The following RBFOX1 variants were observed in gnomAD, a reference collection of about 807,000 sequenced individuals.
RBFOX1 encodes RNA binding fox-1 homolog 1.
Under a neutral mutation model 57.7 loss-of-function variants are expected in RBFOX1, and 8 were observed. The observed-to-expected ratio is 0.14, with a 90% CI of 0.08 to 0.25. The LOEUF is 0.25. Ranked by LOEUF, RBFOX1 falls within the 10% of genes least tolerant of loss-of-function variation. The pLI is 1.00. For missense variants in RBFOX1, 611 were observed against 548.5 expected, an observed-to-expected ratio of 1.11 and a Z score of -1.14; for synonymous variants, 326 against 222.4, an observed-to-expected ratio of 1.47 and a Z score of -4.15.
rs58405378 is a variant in RBFOX1, at chr16:7,034,848, C to CTTTTTTTTTTTT, written c.-15-17202_-15-17191dup. Among the ~76,000 whole-genome samples, 83 of 30,804 alleles carry CTTTTTTTTTTTT rather than the reference C, an allele frequency of 2.7e-3. 4 individuals carry two copies. The highest frequency in any genetic ancestry group is 8.7e-3 in the African/African-American group (50 of 5,722). 20.2% of individuals were successfully genotyped at this position (30,804 alleles called of 152,430 possible). Reference sequence around the variant, plus strand: ...ATTACTTTTTTTTTTTTTCTTTTTTCTTTTTTTTTTTTTTTTTTGAGATGG... The same window carrying CTTTTTTTTTTTT: ...ATTACTTTTTTTTTTTTTCTTTTTTCTTTTTTTTTTTTTTTTTTTTTTTTTTTTTTGAGATGG... On this transcript the variant is annotated intron_variant, in intron 3 of 15. Transcript: ENST00000550418.
At chr16:6,024,306 G>C (rs1050453254) in intron 1 of RBFOX1, among the ~76,000 whole-genome samples, 1 of 152,204 alleles carries the variant, frequency 6.6e-6, no homozygotes, top group Middle Eastern at 3.4e-3. Context: ...GGGGGAAGCC[G>C]CGTCATAAGC....
chr16:7,291,240 G>T (rs1219287649), intron 4 of RBFOX1, among the ~76,000 whole-genome samples: 1 of 152,150 alleles, frequency 6.6e-6, no homozygotes. Flanking sequence ...CCAGCTGAAG[G>T]GGTCATTGAT....
intron 13 of RBFOX1, chr16:7,671,469 A>T (rs2071410637): frequency 8.7e-6 from 11 of 1,271,218 alleles, no homozygotes; most frequent in Non-Finnish European, 4.5e-6. Flanking sequence ...CTTGTAAATG[A>T]ATTGCTCTGG....
rs938734839 is a variant in RBFOX1, at chr16:6,529,543, A to G, written c.-63-125060A>G. On this transcript the variant is annotated intron_variant, in intron 2 of 15. Transcript: ENST00000550418. Reference sequence around the variant, plus strand: ...CACTGCACTGCAGCCTGGGTGACAGAGACTCCATCTCAAATAATAATAATA... The same window carrying G: ...CACTGCACTGCAGCCTGGGTGACAGGGACTCCATCTCAAATAATAATAATA... 4.0e-5 allele frequency among the ~76,000 whole-genome samples: 6 copies of G among 150,752 alleles called. No individual in the cohort carries two copies. The South Asian group carries it at 1.1e-3, about 27-fold the overall frequency.
At chr16:7,190,786 T>C (rs533131581) in intron 4 of RBFOX1, among the ~76,000 whole-genome samples, 2 of 152,248 alleles carry the variant, frequency 1.3e-5, no homozygotes, top group Non-Finnish European at 2.9e-5. Flanking sequence ...GCATTGCTCA[T>C]ATTCGCCATT....
At chr16:7,450,709 C>G (rs2098845386) in intron 4 of RBFOX1, among the ~76,000 whole-genome samples, 1 of 152,038 alleles carries the variant, frequency 6.6e-6, no homozygotes, top group African/African-American at 2.4e-5. Flanking sequence ...CTACTGGGCG[C>G]CAGGCATGGA....
At chr16:5,902,250 A>T (rs1487215307) in intron 4 of RBFOX1, among the ~76,000 whole-genome samples, 1 of 152,176 alleles carries the variant, frequency 6.6e-6, no homozygotes, top group African/African-American at 2.4e-5. Context: ...GAGTAAACTG[A>T]GGCTTAGAGA....
chr16:6,293,555 G>A (rs2077696997), intron 1 of RBFOX1, among the ~76,000 whole-genome samples: 1 of 152,188 alleles, frequency 6.6e-6, no homozygotes. Context: ...TGATAATCTA[G>A]GTTTGGAGAG....
At chr16:6,822,845 C>G (rs188869434) in intron 3 of RBFOX1, among the ~76,000 whole-genome samples, 10 of 152,300 alleles carry the variant, frequency 6.6e-5, no homozygotes, top group Admixed American at 5.9e-4. Context: ...TCTTAGATCT[C>G]TTTGTGCCTT....
rs530025748 is a variant in RBFOX1, at chr16:7,270,632, T to C, written c.27+218534T>C. Among the ~76,000 whole-genome samples the C allele has an allele frequency of 7.2e-5, 11 of 152,306 alleles. No homozygotes were observed. The South Asian group carries it at 1.9e-3, about 26-fold the overall frequency. ...AGGTCTTAAAATTCAGTGTTTAAAA[T>C]ACTAAATCAGTTGCTATTAGACAAA... On this transcript the variant is annotated intron_variant, in intron 4 of 15. Coordinates refer to ENST00000550418, the MANE Select transcript of RBFOX1 (RefSeq NM_018723.4).
At chr16:6,800,072 G>C (rs755036062) in intron 3 of RBFOX1, among the ~76,000 whole-genome samples, 23 of 152,164 alleles carry the variant, frequency 1.5e-4, no homozygotes, top group Non-Finnish European at 2.9e-4. Flanking sequence ...TTGTCATGGT[G>C]TCAGTAAACT....
chr16:7,580,532 C>G (rs1408192304), intron 6 of RBFOX1, among the ~76,000 whole-genome samples: 1 of 152,132 alleles, frequency 6.6e-6, no homozygotes, highest in Non-Finnish European at 1.5e-5. Flanking sequence ...GAAAAGGATT[C>G]AGAGGTACTT....
chr16:7,132,840 C>G lies in RBFOX1; in HGVS notation c.27+80742C>G, dbSNP rs370490929. Among the ~76,000 whole-genome samples, 13 of 152,186 alleles carry G rather than the reference C, an allele frequency of 8.5e-5. No individual in the cohort carries two copies. The East Asian group carries it at 1.9e-3, about 23-fold the overall frequency. On this transcript the variant is annotated intron_variant, in intron 4 of 15. Transcript: ENST00000550418. ...AAAAAAAAGATACATCTTTCAGTAA[C>G]TGCCATAAAGCAAGAGAATGCTGCC...
chr16:6,197,445 A>C (rs1247970759), intron 1 of RBFOX1, among the ~76,000 whole-genome samples: 1 of 152,084 alleles, frequency 6.6e-6, no homozygotes, highest in African/African-American at 2.4e-5. Context: ...GGGGACCTGC[A>C]AGCCAACACT....
chr16:7,529,537 T>G (rs1370897251), intron 5 of RBFOX1, among the ~76,000 whole-genome samples: 1 of 152,226 alleles, frequency 6.6e-6, no homozygotes, highest in Non-Finnish European at 1.5e-5. Context: ...TAAACCACTA[T>G]TATAATTTCA....
At chr16:7,664,748 A>G in intron 12 of RBFOX1, 181 bp from the exon 13 acceptor site, 1 of 1,070,854 alleles carries the variant, frequency 9.3e-7, no homozygotes, top group Non-Finnish European at 1.3e-6. Flanking sequence ...AGCCCGGCCT[A>G]ATTTTCTCGG....
At chr16:7,165,652 C>G (rs575876544) in intron 4 of RBFOX1, among the ~76,000 whole-genome samples, 3 of 151,720 alleles carry the variant, frequency 2.0e-5, no homozygotes, top group African/African-American at 4.8e-5. Flanking sequence ...TGGTCTCAAA[C>G]TCCCGATCTC....
At chr16:7,321,039 A>T (rs996326987) in intron 4 of RBFOX1, among the ~76,000 whole-genome samples, 2 of 146,508 alleles carry the variant, frequency 1.4e-5, no homozygotes, top group Non-Finnish European at 1.5e-5. Context: ...AGTAAACTGG[A>T]GACCAGAGAA....
chr16:6,673,136 C>T (rs1035826909), intron 3 of RBFOX1, among the ~76,000 whole-genome samples: 1 of 152,144 alleles, frequency 6.6e-6, no homozygotes, highest in African/African-American at 2.4e-5. Flanking sequence ...GTGCAATTTC[C>T]AGGTGATCAG....
Sources: allele counts gnomAD v4.1 joint callset (sites outside exome capture counted in the v4.1 genomes callset), GRCh38; gene constraint gnomAD v4.1.1; transcripts MANE v1.5; gene names NCBI Gene and HGNC (gene_info 2026-07-23, HGNC 2026-07-21).